Variants in PSIP1 observed in about 807,000 individuals in gnomAD.
PSIP1 encodes PC4 and SRSF1 interacting protein 1.
PSIP1 carries 19 observed loss-of-function variants against 74.7 expected under a neutral mutation model. The ratio of observed to expected loss-of-function variants is 0.25; its 90% CI spans 0.18 to 0.37. PSIP1 has a LOEUF of 0.37. Among genes scored for constraint, PSIP1 ranks in the 10% least tolerant of loss-of-function variants. The pLI is 1.00. For missense variants in PSIP1, 601 were observed against 614.3 expected, an observed-to-expected ratio of 0.98 and a Z score of 0.23; for synonymous variants, 222 against 195.3, an observed-to-expected ratio of 1.14 and a Z score of -1.14.
At chr9:15,500,365 T>C (rs2037282263) in intron 3 of PSIP1, among the ~76,000 whole-genome samples, 1 of 151,936 alleles carries the variant, frequency 6.6e-6, no homozygotes, top group Non-Finnish European at 1.5e-5. Flanking sequence ...CTTGGGAGGC[T>C]GAGGCAGGAG....
chr9:15,506,253 A>C (rs1486637352), intron 3 of PSIP1: 1 of 202,778 alleles, frequency 4.9e-6, no homozygotes, highest in Non-Finnish European at 1.0e-5. Context: ...AAAAGCACTT[A>C]TTTTACTGTA....
At chr9:15,466,979 CTT>C in intron 14 of PSIP1, 120 bp from the exon 15 acceptor site, 1 of 708,402 alleles carries the variant, frequency 1.4e-6, no homozygotes, top group Admixed American at 3.0e-5. Flanking sequence ...TACTTAATGT[CTT>C]TTATTTGAAA....
chr9:15,466,665 A>T, intron 15 of PSIP1, 83 bp downstream of exon 15: 1 of 1,056,592 alleles, frequency 9.5e-7, no homozygotes, highest in South Asian at 1.6e-5. Flanking sequence ...TGCTTATTAT[A>T]GTAAGATAAC....
chr9:15,509,712 C>G (rs1322248425), intron 2 of PSIP1, among the ~76,000 whole-genome samples: 1 of 152,138 alleles, frequency 6.6e-6, no homozygotes, highest in Non-Finnish European at 1.5e-5. Context: ...TCTCTGACAT[C>G]CAAGTGTTTG....
chr9:15,469,185 A>C (rs898003032), intron 12 of PSIP1, 81 bp downstream of exon 12: 1 of 1,324,752 alleles, frequency 7.5e-7, no homozygotes, highest in African/African-American at 1.5e-5. Context: ...TTAAATTTAC[A>C]TACTCATAAG....
At chr9:15,499,564 C>G (rs35185207) in intron 3 of PSIP1, among the ~76,000 whole-genome samples, 3,499 of 152,218 alleles carry the variant, frequency 0.023, 69 homozygotes, top group Non-Finnish European at 0.036. Flanking sequence ...TGTTACACAA[C>G]TAGAACTCTT....
intron 3 of PSIP1, among the ~76,000 whole-genome samples, chr9:15,493,272 T>C (rs2036917884): frequency 6.6e-6 from 1 of 152,220 alleles, no homozygotes; most frequent in South Asian, 2.1e-4. Context: ...GTCTCCCTGC[T>C]AGAGCAGAGC....
At chr9:15,475,049 A>G (rs188246016) in intron 8 of PSIP1, among the ~76,000 whole-genome samples, 11 of 152,304 alleles carry the variant, frequency 7.2e-5, no homozygotes, top group Admixed American at 5.2e-4. Flanking sequence ...AAAAGGTCAA[A>G]TAACAAGCCC....
chr9:15,510,285 GC>G lies in PSIP1; in HGVS notation c.-98del, dbSNP rs1229510972. On this transcript the variant is annotated 5_prime_UTR_variant, in exon 2 of 16. Coordinates refer to ENST00000380733, the MANE Select transcript of PSIP1 (RefSeq NM_033222.5). ...CGGCGGACGCGGGCCCAGCTACCGG[GC>G]CCGCGGGCGGGGGAGGATGCCTCGG... The G allele has an allele frequency of 9.9e-7, 1 of 1,013,436 alleles. No homozygotes were observed. The highest frequency in any genetic ancestry group is 2.9e-5 in the East Asian group (1 of 34,648). The allele number at this position is 1,013,436 out of a possible 1,614,324, so 62.8% of individuals were successfully genotyped here. A position where few individuals can be genotyped will look rare whatever the true frequency, so the allele number is the denominator to read the frequency against.
chr9:15,481,280 G>A, intron 6 of PSIP1, among the ~76,000 whole-genome samples: 1 of 152,218 alleles, frequency 6.6e-6, no homozygotes, highest in East Asian at 1.9e-4. Context: ...TCCTACTGAG[G>A]AGTTAAGAGG....
At chr9:15,470,108 GCA>G in intron 10 of PSIP1, 115 bp from the exon 11 acceptor site, 1 of 758,666 alleles carries the variant, frequency 1.3e-6, no homozygotes, top group Non-Finnish European at 2.2e-6. Flanking sequence ...AGCCTAGACT[GCA>G]AAGGAACTGA....
intron 3 of PSIP1, among the ~76,000 whole-genome samples, chr9:15,494,691 C>T (rs1176816935): frequency 6.6e-6 from 1 of 150,796 alleles, no homozygotes; most frequent in African/African-American, 2.4e-5. Context: ...TTTAACTGCA[C>T]ATCCCATTTT....
chr9:15,504,002 C>G (rs7021840), intron 3 of PSIP1, among the ~76,000 whole-genome samples: 17,306 of 152,216 alleles, frequency 0.11, 1,915 homozygotes, highest in African/African-American at 0.29. Context: ...GCTTCAGCCT[C>G]CCAAAGTGCT....
chr9:15,468,057 G>A lies in PSIP1; in HGVS notation c.1420+573C>T, dbSNP rs999793077. On this transcript the variant is annotated intron_variant, in intron 14 of 15. Coordinates refer to ENST00000380733, the MANE Select transcript of PSIP1 (RefSeq NM_033222.5). Reference sequence around the variant, plus strand: ...ATCGCTTGAACCCAGAAGGTGGAGGGTTGTGGTGAGCCGAGATCACGCCAC... The same window carrying A: ...ATCGCTTGAACCCAGAAGGTGGAGGATTGTGGTGAGCCGAGATCACGCCAC... 3.3e-5 allele frequency among the ~76,000 whole-genome samples: 5 copies of A among 150,874 alleles called. No homozygotes were observed. In the East Asian group the frequency reaches 5.8e-4, roughly 18 times the overall value.
At chr9:15,488,348 A>C (rs956197263) in intron 4 of PSIP1, among the ~76,000 whole-genome samples, 1 of 151,944 alleles carries the variant, frequency 6.6e-6, no homozygotes, top group Admixed American at 6.6e-5. Flanking sequence ...ACAACAAAAA[A>C]AAGAGTAAAA....
intron 8 of PSIP1, among the ~76,000 whole-genome samples, chr9:15,475,848 TA>T (rs1210955956): frequency 1.3e-5 from 2 of 152,192 alleles, no homozygotes; most frequent in Non-Finnish European, 2.9e-5. Context: ...TAAGGGATAT[TA>T]GCAAAGTTGT....
Position 15,465,557 on chromosome 9 carries a change from G to GTC in PSIP1, c.1554_1555dup (p.Thr519ArgfsTer6). 1 of 1,585,786 alleles carries GTC rather than the reference G, an allele frequency of 6.3e-7. No homozygotes were observed. The highest frequency in any genetic ancestry group is 8.6e-7 in the Non-Finnish European group (1 of 1,157,240). On this transcript the variant is annotated frameshift_variant, in exon 16 of 16. Coordinates refer to ENST00000380733, the MANE Select transcript of PSIP1 (RefSeq NM_033222.5). LOFTEE classifies it high-confidence loss of function. Reference sequence around the variant, plus strand: ...TGTAGAATCCTTCAGAGATATTTCAGTCTCTCTCTCTTCACTGGATGGCCT... The same window carrying GTC: ...TGTAGAATCCTTCAGAGATATTTCAGTCTCTCTCTCTCTTCACTGGATGGCCT...
intron 3 of PSIP1, among the ~76,000 whole-genome samples, chr9:15,490,762 A>G (rs1353522571): frequency 6.6e-6 from 1 of 152,056 alleles, no homozygotes; most frequent in African/African-American, 2.4e-5. Flanking sequence ...CATTAGCATT[A>G]ATCAACACAT....
chr9:15,509,978 T>C (rs1261720309), intron 2 of PSIP1, 139 bp downstream of exon 2: 2 of 815,040 alleles, frequency 2.5e-6, no homozygotes, highest in South Asian at 2.7e-5. Flanking sequence ...GGCAAAAAAC[T>C]AAAATGAAAG....
Sources: allele counts gnomAD v4.1 joint callset (sites outside exome capture counted in the v4.1 genomes callset), GRCh38; gene constraint gnomAD v4.1.1; transcripts MANE v1.5; gene names NCBI Gene and HGNC (gene_info 2026-07-23, HGNC 2026-07-21).